Variants in ARID1B observed in about 807,000 individuals in gnomAD.
ARID1B encodes AT-rich interaction domain 1B.
A neutral mutation model predicts 212.3 loss-of-function variants in ARID1B; 30 were observed. The observed-to-expected ratio is 0.14, with a 90% CI of 0.11 to 0.19. The LOEUF (loss-of-function observed/expected upper bound fraction) is 0.19. ARID1B is among the 10% of genes least tolerant of loss of function. The pLI is 1.00. For synonymous variants in ARID1B, 1,402 were observed against 1,301.7 expected (o/e 1.08, Z -1.66); for missense variants, 2,891 against 3,204.0 (o/e 0.90, Z 2.36).
intron 13 of ARID1B, among the ~76,000 whole-genome samples, chr6:157,188,869 G>A (rs1036931041): frequency 7.9e-5 from 12 of 152,104 alleles, no homozygotes; most frequent in African/African-American, 2.9e-4. Context: ...CTCAAGGTGA[G>A]GTTAATTAAT....
intron 1 of ARID1B, among the ~76,000 whole-genome samples, chr6:156,803,634 T>C (rs1313191491): frequency 7.1e-6 from 1 of 140,870 alleles, no homozygotes; most frequent in African/African-American, 2.6e-5. Flanking sequence ...TCTTTTTCTC[T>C]TTTTTTTTTT....
intron 2 of ARID1B, among the ~76,000 whole-genome samples, chr6:156,891,970 C>G (rs1787962235): frequency 6.7e-6 from 1 of 149,850 alleles, no homozygotes; most frequent in African/African-American, 2.5e-5. Flanking sequence ...CTCTCCGGTT[C>G]AAGCGATTCT....
At chr6:156,938,228 C>G (rs1488152253) in intron 4 of ARID1B, 1 of 151,880 alleles carries the variant, frequency 6.6e-6, no homozygotes, top group Non-Finnish European at 1.5e-5. Context: ...CAGCTAAGGT[C>G]ATTGTGGTTT....
At chr6:157,054,401 A>G (rs1411707836) in intron 4 of ARID1B, among the ~76,000 whole-genome samples, 1 of 152,222 alleles carries the variant, frequency 6.6e-6, no homozygotes, top group Non-Finnish European at 1.5e-5. Context: ...TTTGGTTTTT[A>G]AAATGGTAGT....
intron 7 of ARID1B, chr6:157,140,686 A>T (rs1789282251): frequency 5.0e-6 from 2 of 398,472 alleles, no homozygotes; most frequent in Non-Finnish European, 8.8e-6. Context: ...GGCGAGACCC[A>T]CCTCCTGGGA....
chr6:156,935,664 A>G (rs1451220507), intron 4 of ARID1B, 88 bp downstream of exon 4: 2 of 1,195,520 alleles, frequency 1.7e-6, no homozygotes, highest in Non-Finnish European at 2.4e-6. Context: ...ACTTTATATT[A>G]TGACATGATT....
chr6:156,799,161 AT>A (rs1780602088), intron 1 of ARID1B, among the ~76,000 whole-genome samples: 1 of 152,254 alleles, frequency 6.6e-6, no homozygotes, highest in African/African-American at 2.4e-5. Flanking sequence ...TTGTAGTGAA[AT>A]ACTAAGTATT....
chr6:157,174,390 A>G, intron 10 of ARID1B: 1 of 327,064 alleles, frequency 3.1e-6, no homozygotes, highest in Non-Finnish European at 5.6e-6. Flanking sequence ...CGGGGTGGGG[A>G]GAAGTAGGGG....
At chr6:157,139,535 G>A (rs890918576) in intron 7 of ARID1B, among the ~76,000 whole-genome samples, 1 of 152,128 alleles carries the variant, frequency 6.6e-6, no homozygotes, top group African/African-American at 2.4e-5. Flanking sequence ...CCTGCAGTCT[G>A]TGTGGGGCAT....
intron 5 of ARID1B, among the ~76,000 whole-genome samples, chr6:157,086,937 T>C (rs6921468): frequency 0.16 from 24,534 of 152,216 alleles, 2,147 homozygotes; most frequent in Non-Finnish European, 0.19. Flanking sequence ...AGGATCTCAC[T>C]ATCATTTCTC....
intron 4 of ARID1B, among the ~76,000 whole-genome samples, chr6:156,975,366 TTA>T (rs1777157549): frequency 1.3e-5 from 2 of 152,206 alleles, no homozygotes; most frequent in African/African-American, 4.8e-5. Flanking sequence ...TAAGGGTTCT[TTA>T]TATATCATGG....
chr6:156,854,063 G>T (rs1196643835), intron 2 of ARID1B, among the ~76,000 whole-genome samples: 4 of 152,166 alleles, frequency 2.6e-5, no homozygotes, highest in Non-Finnish European at 5.9e-5. Context: ...GTTAAATGAG[G>T]TGATACTTGT....
chr6:157,155,845 T>C (rs900313456), intron 8 of ARID1B, among the ~76,000 whole-genome samples: 5 of 152,172 alleles, frequency 3.3e-5, no homozygotes, highest in African/African-American at 1.2e-4. Context: ...TATTTACAAA[T>C]GCAAATGAAT....
chr6:157,090,410 G>A (rs1458962837), intron 5 of ARID1B, among the ~76,000 whole-genome samples: 1 of 152,172 alleles, frequency 6.6e-6, no homozygotes. Context: ...TAGGCATTTG[G>A]TATTTGTACT....
chr6:156,861,748 T>TA (rs1366167782), intron 2 of ARID1B, among the ~76,000 whole-genome samples: 1 of 152,184 alleles, frequency 6.6e-6, no homozygotes, highest in Non-Finnish European at 1.5e-5. Flanking sequence ...TCTCTTTGCT[T>TA]ACAAAGCTTT....
chr6:156,952,278 A>C (rs1469869913), intron 4 of ARID1B, among the ~76,000 whole-genome samples: 1 of 152,204 alleles, frequency 6.6e-6, no homozygotes, highest in Non-Finnish European at 1.5e-5. Context: ...TGATGGTCTA[A>C]ATTTTACAGA....
chr6:156,954,379 G>A (rs1583021907), intron 4 of ARID1B, among the ~76,000 whole-genome samples: 1 of 152,034 alleles, frequency 6.6e-6, no homozygotes, highest in African/African-American at 2.4e-5. Flanking sequence ...TGTAACTTTC[G>A]AAGCAATATG....
chr6:156,779,463 A>C lies in ARID1B; in HGVS notation c.1783A>C (p.Arg595=). Residue 595 remains arginine, a synonymous_variant, in exon 1 of 20, where the codon AGA becomes CGA. Coordinates refer to ENST00000636930, the MANE Select transcript of ARID1B (RefSeq NM_001374828.1). ...SPGTPGPTMG[R]SQGSPMDPMV... is the part of the protein sequence containing the mutation. ...CGGCACCCCCGGACCGACCATGGGC[A>C]GATCCCAGGTAACCCTCGCGCCAGC... 7.1e-7 allele frequency: 1 copy of C among 1,411,502 alleles called. No homozygotes were observed. Among genetic ancestry groups the C allele is most frequent in the Non-Finnish European group, 9.3e-7 (1 of 1,076,678 alleles). 87.4% of individuals were successfully genotyped at this position (1,411,502 alleles called of 1,614,324 possible).
chr6:156,968,984 G>T (rs1028782524), intron 4 of ARID1B, among the ~76,000 whole-genome samples: 8 of 152,230 alleles, frequency 5.3e-5, no homozygotes, highest in African/African-American at 1.4e-4. Flanking sequence ...CCCCAGGGAG[G>T]TGCTCCACAT....
Sources: gnomAD v4.1 joint callset for allele counts (sites outside exome capture counted in the v4.1 genomes callset) on GRCh38, gnomAD v4.1.1 for gene constraint, MANE v1.5 for transcripts, NCBI Gene and HGNC (gene_info 2026-07-23, HGNC 2026-07-21) for gene names.